MAGI1: variants seen among roughly 807,000 people sequenced by gnomAD.
MAGI1 encodes the protein membrane-associated guanylate kinase, WW and PDZ domain-containing protein 1.
Under a neutral mutation model 139.9 loss-of-function variants are expected in MAGI1, and 58 were observed. The ratio of observed to expected loss-of-function variants is 0.41; its 90% CI spans 0.34 to 0.52. MAGI1 has a LOEUF of 0.52. Among genes scored for constraint, MAGI1 ranks in the 20% least tolerant of loss-of-function variants. The probability of loss-of-function intolerance (pLI) is 0.12; values close to 1 mark genes in which losing one functional copy is unlikely to be tolerated. For missense variants in MAGI1, 1,874 were observed against 1,901.6 expected, an observed-to-expected ratio of 0.99 and a Z score of 0.27; for synonymous variants, 812 against 737.9, an observed-to-expected ratio of 1.10 and a Z score of -1.63.
intron 1 of MAGI1, among the ~76,000 whole-genome samples, chr3:65,812,208 C>G (rs2041288484): frequency 6.6e-6 from 1 of 151,972 alleles, no homozygotes; most frequent in African/African-American, 2.4e-5. Context: ...TAATATACCA[C>G]CAACCTGACT....
chr3:66,004,408 G>A (rs561156668), intron 1 of MAGI1, among the ~76,000 whole-genome samples: 2 of 152,148 alleles, frequency 1.3e-5, no homozygotes, highest in African/African-American at 2.4e-5. Flanking sequence ...TCTCTGCGTG[G>A]TCTCTCTGTG....
chr3:65,604,810 C>A (rs2082657863), intron 2 of MAGI1, among the ~76,000 whole-genome samples: 1 of 150,292 alleles, frequency 6.7e-6, no homozygotes, highest in Non-Finnish European at 1.5e-5. Flanking sequence ...GGGGAATAAA[C>A]AAAATTCCTA....
At position 65,403,143 on chromosome 3, in the gene MAGI1, T is replaced by C. The variant is rs983374028; in HGVS notation, c.2168-1673A>G. On this transcript the variant is annotated intron_variant, in intron 12 of 22. Coordinates refer to ENST00000402939, the MANE Select transcript of MAGI1 (RefSeq NM_001033057.2). Reference sequence around the variant, plus strand: ...AGTTTCTCCATTTATAAAGGGAAAATAGTAAGACTCACTTCACAAGATTAT... The same window carrying C: ...AGTTTCTCCATTTATAAAGGGAAAACAGTAAGACTCACTTCACAAGATTAT... Among the ~76,000 whole-genome samples the C allele has an allele frequency of 4.6e-5, 7 of 152,068 alleles. No individual in the cohort carries two copies. In the South Asian group the frequency reaches 1.2e-3, roughly 27 times the overall value.
intron 1 of MAGI1, among the ~76,000 whole-genome samples, chr3:65,812,468 T>TCTCTCACACACACA (rs1176899313): frequency 0.01 from 935 of 89,092 alleles, 13 homozygotes; most frequent in African/African-American, 0.028. Flanking sequence ...TCTCTCTCTC[T>TCTCTCACACACACA]CACACACACA....
At chr3:65,943,530 A>G (rs542501318) in intron 1 of MAGI1, among the ~76,000 whole-genome samples, 2 of 151,946 alleles carry the variant, frequency 1.3e-5, no homozygotes, top group African/African-American at 2.4e-5. Flanking sequence ...AGCCAAGATC[A>G]TCACTGCACT....
chr3:65,867,902 G>A (rs2059786164), intron 1 of MAGI1, among the ~76,000 whole-genome samples: 1 of 152,114 alleles, frequency 6.6e-6, no homozygotes, highest in Non-Finnish European at 1.5e-5. Flanking sequence ...AGTCTGAGGA[G>A]GCGTCAGGTC....
intron 1 of MAGI1, among the ~76,000 whole-genome samples, chr3:65,929,753 C>G (rs1209933848): frequency 7.2e-5 from 11 of 152,026 alleles, no homozygotes; most frequent in Non-Finnish European, 1.6e-4. Flanking sequence ...AAAACTCCAA[C>G]AAATGCCCAC....
chr3:65,359,266 C>A, intron 22 of MAGI1: 6 of 1,525,710 alleles, frequency 3.9e-6, no homozygotes, highest in Non-Finnish European at 5.2e-6. Flanking sequence ...AAAAAATCTA[C>A]ATTTGTTAAC....
intron 2 of MAGI1, among the ~76,000 whole-genome samples, chr3:65,540,809 G>A (rs1455594289): frequency 6.6e-6 from 1 of 152,134 alleles, no homozygotes; most frequent in Non-Finnish European, 1.5e-5. Flanking sequence ...TCCACATGGT[G>A]ACTGCAAATG....
chr3:65,830,200 T>C (rs1307908857), intron 1 of MAGI1, among the ~76,000 whole-genome samples: 2 of 152,120 alleles, frequency 1.3e-5, no homozygotes, highest in African/African-American at 4.8e-5. Context: ...GAAACATCTG[T>C]TTGAGGCATC....
intron 1 of MAGI1, among the ~76,000 whole-genome samples, chr3:65,808,024 T>C: frequency 6.8e-6 from 1 of 147,338 alleles, no homozygotes; most frequent in South Asian, 2.1e-4. Context: ...TTTTTTTTTT[T>C]GGCTCTTGTT....
intron 1 of MAGI1, among the ~76,000 whole-genome samples, chr3:65,626,169 G>A (rs950409725): frequency 2.0e-5 from 3 of 152,154 alleles, no homozygotes; most frequent in African/African-American, 7.2e-5. Flanking sequence ...AGACGTCTAT[G>A]ATATCCAAAA....
intron 4 of MAGI1, among the ~76,000 whole-genome samples, chr3:65,471,598 A>T (rs1950563458): frequency 6.6e-6 from 1 of 151,814 alleles, no homozygotes; most frequent in Non-Finnish European, 1.5e-5. Context: ...CCCTGCATCT[A>T]TTTGCTCTTC....
chr3:65,596,390 A>T (rs1279737730), intron 2 of MAGI1, among the ~76,000 whole-genome samples: 1 of 152,222 alleles, frequency 6.6e-6, no homozygotes, highest in South Asian at 2.1e-4. Flanking sequence ...GTAGTAAAAC[A>T]AACAACACTA....
At chr3:65,438,067 A>G (rs1212389812) in intron 9 of MAGI1, among the ~76,000 whole-genome samples, 1 of 152,212 alleles carries the variant, frequency 6.6e-6, no homozygotes, top group African/African-American at 2.4e-5. Context: ...TCAGAATGAT[A>G]CCTACACTTG....
intron 1 of MAGI1, among the ~76,000 whole-genome samples, chr3:65,721,292 C>T (rs977253041): frequency 3.3e-5 from 5 of 152,308 alleles, no homozygotes; most frequent in Middle Eastern, 3.4e-3. Flanking sequence ...CCACTAGGCC[C>T]GAAGGGCTGG....
At chr3:65,951,004 GA>G (rs2063818964) in intron 1 of MAGI1, among the ~76,000 whole-genome samples, 2 of 135,642 alleles carry the variant, frequency 1.5e-5, no homozygotes, top group African/African-American at 2.8e-5. Flanking sequence ...AGGAAGGAAG[GA>G]AGGAAGGAAG....
In MAGI1 at chr3:65,975,292, T is replaced by C. The variant is rs531941199; in HGVS notation, c.313+62704A>G. Among the ~76,000 whole-genome samples the C allele has an allele frequency of 5.9e-5, 9 of 152,318 alleles. No homozygotes were observed. In the East Asian group the frequency reaches 1.7e-3, roughly 29 times the overall value. On this transcript the variant is annotated intron_variant, in intron 1 of 22. Transcript: ENST00000402939. ...TTCCAAAATTATGTCTGTCTCTTTA[T>C]GGAGCACAGGCCAAACTTAAAGGAA...
At chr3:65,495,280 A>C (rs1307581821) in intron 2 of MAGI1, among the ~76,000 whole-genome samples, 1 of 152,178 alleles carries the variant, frequency 6.6e-6, no homozygotes, top group East Asian at 1.9e-4. Flanking sequence ...CACCTAATCC[A>C]TAAGTTTGTT....
Sources: gnomAD v4.1 joint callset for allele counts (sites outside exome capture counted in the v4.1 genomes callset) on GRCh38, gnomAD v4.1.1 for gene constraint, MANE v1.5 for transcripts, NCBI Gene and HGNC (gene_info 2026-07-23, HGNC 2026-07-21) for gene names.